PHF21B: variants seen among roughly 807,000 people sequenced by gnomAD.
PHF21B encodes PHD finger protein 21B, also known as PHD finger protein 4.
Under a neutral mutation model 62.2 loss-of-function variants are expected in PHF21B, and 22 were observed. The observed-to-expected ratio is 0.35, with a 90% confidence interval of 0.25 to 0.51. The LOEUF (loss-of-function observed/expected upper bound fraction) is 0.51. PHF21B is among the 20% of genes least tolerant of loss of function. PHF21B has a pLI of 0.97. For synonymous variants in PHF21B, 341 were observed against 314.7 expected, an observed-to-expected ratio of 1.08 and a Z score of -0.88; for missense variants, 701 against 707.9, an observed-to-expected ratio of 0.99 and a Z score of 0.11.
intron 2 of PHF21B, 67 bp from the exon 3 acceptor site, chr22:44,920,557 C>A: frequency 7.9e-7 from 1 of 1,263,172 alleles, no homozygotes; most frequent in Non-Finnish European, 1.1e-6. Context: ...TTGCCCCCAG[C>A]CTGGCCAAGC....
chr22:44,984,440 C>T (rs1403314957), intron 2 of PHF21B, among the ~76,000 whole-genome samples: 1 of 152,146 alleles, frequency 6.6e-6, no homozygotes, highest in Non-Finnish European at 1.5e-5. Context: ...TTGTGGGAAG[C>T]ATGTTACACA....
rs34100382 is a variant in PHF21B at position 44,923,331 on chromosome 22, CAA to C, written c.121-2843_121-2842del. On this transcript the variant is annotated intron_variant, in intron 2 of 12. Coordinates refer to ENST00000313237, the MANE Select transcript of PHF21B (RefSeq NM_138415.5). ...CTTCAGTCCATACCACATACCATAT[CAA>C]AAAAAAAAAAAAAAGAACAAATGGA... Among the ~76,000 whole-genome samples, 286 of 125,074 alleles carry C rather than the reference CAA, an allele frequency of 2.3e-3. 2 individuals carry two copies. The highest frequency in any genetic ancestry group is 0.015 in the East Asian group (67 of 4,502). 82.1% of individuals were successfully genotyped at this position (125,074 alleles called of 152,430 possible).
chr22:44,910,035 C>T (rs1486062300), intron 5 of PHF21B, among the ~76,000 whole-genome samples: 1 of 152,198 alleles, frequency 6.6e-6, no homozygotes, highest in East Asian at 1.9e-4. Context: ...ATGTCCCTAG[C>T]CTTTGGCACG....
rs1204065402 is a variant in PHF21B at position 45,008,902 on chromosome 22, G to GT, written c.55-293dup. On this transcript the variant is annotated intron_variant, in intron 1 of 12. Coordinates refer to ENST00000313237, the MANE Select transcript of PHF21B (RefSeq NM_138415.5). ...TTTGCAGGCCGGGGTGCGTGTGCGA[G>GT]TGAGTGTGAGTGTGAGTGTGTGCCG... The GT allele has an allele frequency of 3.4e-5, 39 of 1,135,250 alleles. No individual in the cohort carries two copies. The African/African-American group carries it at 6.2e-4, about 18-fold the overall frequency. The allele number at this position is 1,135,250 out of a possible 1,614,324, so 70.3% of individuals were successfully genotyped here. A position where few individuals can be genotyped will look rare whatever the true frequency, so the allele number is the denominator to read the frequency against.
Position 44,882,841 on chromosome 22 carries a change from G to A in PHF21B, c.*245C>T. ...CGAGGTGGCCGGGGGGAGACTGTGT[G>A]CCCCAGCCTGTCGTACCCCACCTGG... On this transcript the variant is annotated 3_prime_UTR_variant, in exon 13 of 13. Coordinates refer to ENST00000313237, the MANE Select transcript of PHF21B (RefSeq NM_138415.5). The A allele has an allele frequency of 6.1e-6, 3 of 488,842 alleles. No individual in the cohort carries two copies. The highest frequency in any genetic ancestry group is 5.9e-5 in the South Asian group (2 of 33,978). 30.3% of individuals were successfully genotyped at this position (488,842 alleles called of 1,614,324 possible). A position where few individuals can be genotyped will look rare whatever the true frequency, so the allele number is the denominator to read the frequency against.
chr22:44,955,085 G>T (rs1569252198), intron 2 of PHF21B, among the ~76,000 whole-genome samples: 1 of 152,186 alleles, frequency 6.6e-6, no homozygotes, highest in Admixed American at 6.5e-5. Flanking sequence ...CCAGCCTGAG[G>T]GGGCAGAGGG....
chr22:44,939,329 T>G (rs1441089334), intron 2 of PHF21B, among the ~76,000 whole-genome samples: 1 of 152,142 alleles, frequency 6.6e-6, no homozygotes, highest in East Asian at 1.9e-4. Flanking sequence ...GGGCTGTGGG[T>G]AGAACACGTC....
intron 2 of PHF21B, among the ~76,000 whole-genome samples, chr22:44,938,135 C>G (rs1263526852): frequency 5.9e-5 from 9 of 152,242 alleles, no homozygotes; most frequent in Non-Finnish European, 1.3e-4. Flanking sequence ...AGTGTAGTAC[C>G]TCGATCTCGG....
chr22:44,910,442 T>C (rs2071324864), intron 5 of PHF21B, among the ~76,000 whole-genome samples: 1 of 152,160 alleles, frequency 6.6e-6, no homozygotes, highest in Non-Finnish European at 1.5e-5. Flanking sequence ...TGTGTCCCCA[T>C]CCAAATCTCA....
At chr22:44,942,844 GAGT>G (rs1029009507) in intron 2 of PHF21B, among the ~76,000 whole-genome samples, 3 of 152,196 alleles carry the variant, frequency 2.0e-5, no homozygotes, top group Non-Finnish European at 4.4e-5. Context: ...AGCTGGACCT[GAGT>G]TTCCCCATCT....
chr22:44,966,221 A>C (rs534513070), intron 2 of PHF21B, among the ~76,000 whole-genome samples: 5 of 152,184 alleles, frequency 3.3e-5, no homozygotes, highest in Admixed American at 6.5e-5. Flanking sequence ...TCCAGCATAA[A>C]GGGAGAGGCA....
At chr22:44,896,004 A>G (rs888112526) in intron 6 of PHF21B, 28 bp downstream of exon 6, 1 of 1,613,980 alleles carries the variant, frequency 6.2e-7, no homozygotes, top group African/African-American at 1.3e-5. Context: ...TCCCAGCCCA[A>G]CCTGCTGCTA....
intron 2 of PHF21B, among the ~76,000 whole-genome samples, chr22:44,922,710 G>A (rs2071559622): frequency 6.6e-6 from 1 of 152,112 alleles, no homozygotes; most frequent in Admixed American, 6.5e-5. Context: ...AATTTTAAAT[G>A]CCATTTGCAA....
Position 45,004,524 on chromosome 22 carries a change from A to AT in PHF21B, c.120+4020dup, listed in dbSNP as rs1569287781. Among the ~76,000 whole-genome samples the AT allele has an allele frequency of 5.3e-5, 8 of 152,244 alleles. No homozygotes were observed. The South Asian group carries it at 1.0e-3, about 20-fold the overall frequency. On this transcript the variant is annotated intron_variant, in intron 2 of 12. Transcript: ENST00000313237. ...GTGTGGAGCTTTTGGAGTTGTACTGATTTTTTTCTGCAATGTATAATGATA... is the reference window on the plus strand; with the variant it reads ...GTGTGGAGCTTTTGGAGTTGTACTGATTTTTTTTCTGCAATGTATAATGATA...
Position 44,882,948 on chromosome 22 carries a change from T to C in PHF21B, c.*138A>G. The C allele has an allele frequency of 1.8e-6, 2 of 1,098,888 alleles. No individual in the cohort carries two copies. The highest frequency in any genetic ancestry group is 2.6e-6 in the Non-Finnish European group (2 of 775,198). 68.1% of individuals were successfully genotyped at this position (1,098,888 alleles called of 1,614,324 possible). ...TGGCTCTAGGCCTCTCGCCCAGCTCTTCCTCCCTCCTCTCCTCTGTCTGGT... is the reference window on the plus strand; with the variant it reads ...TGGCTCTAGGCCTCTCGCCCAGCTCCTCCTCCCTCCTCTCCTCTGTCTGGT... On this transcript the variant is annotated 3_prime_UTR_variant, in exon 13 of 13. Coordinates refer to ENST00000313237, the MANE Select transcript of PHF21B (RefSeq NM_138415.5).
intron 2 of PHF21B, among the ~76,000 whole-genome samples, chr22:44,959,833 CAGG>C: frequency 6.6e-6 from 1 of 152,264 alleles, no homozygotes; most frequent in Middle Eastern, 3.4e-3. Flanking sequence ...GAAAGAAGCC[CAGG>C]AGTTCAGGAG....
intron 3 of PHF21B, among the ~76,000 whole-genome samples, chr22:44,917,164 TG>T (rs2071452469): frequency 1.3e-5 from 2 of 152,212 alleles, no homozygotes; most frequent in African/African-American, 2.4e-5. Context: ...AGTGAAGGTG[TG>T]CAGAGGGCAG....
intron 1 of PHF21B, chr22:45,008,950 G>A (rs963352317): frequency 1.8e-5 from 20 of 1,084,892 alleles, no homozygotes; most frequent in Admixed American, 5.3e-5. Flanking sequence ...GGAACAAAGA[G>A]CCAAGTAAAC....
At chr22:45,006,354 G>C (rs1309728525) in intron 2 of PHF21B, among the ~76,000 whole-genome samples, 1 of 152,160 alleles carries the variant, frequency 6.6e-6, no homozygotes, top group Non-Finnish European at 1.5e-5. Flanking sequence ...AGTTTTCCTT[G>C]CTTTCTTTCT....
Sources: gnomAD v4.1 joint callset for allele counts (sites outside exome capture counted in the v4.1 genomes callset) on GRCh38, gnomAD v4.1.1 for gene constraint, MANE v1.5 for transcripts, NCBI Gene and HGNC (gene_info 2026-07-23, HGNC 2026-07-21) for gene names.